Variants in COL4A2 observed in about 807,000 individuals in gnomAD.
The protein encoded by COL4A2 is collagen type IV alpha 2 chain.
A neutral mutation model predicts 200.2 loss-of-function variants in COL4A2; 99 were observed. That is an observed-to-expected ratio of 0.49 (90% CI 0.42 to 0.58). COL4A2 has a LOEUF of 0.58. Ranked by LOEUF, COL4A2 falls within the 20% of genes least tolerant of loss-of-function variation. The pLI is 0.00. For missense variants in COL4A2, 1,950 were observed against 2,314.1 expected (o/e 0.84, Z 3.23); for synonymous variants, 897 against 900.6 (o/e 1.00, Z 0.07).
chr13:110,500,657 C>T (rs748320241), intron 40 of COL4A2, among the ~76,000 whole-genome samples: 4 of 152,232 alleles, frequency 2.6e-5, no homozygotes, highest in Non-Finnish European at 5.9e-5. Context: ...TTAGTGAATA[C>T]TGAACCATTG....
chr13:110,347,262 G>GGCT (rs1876745890), intron 3 of COL4A2, among the ~76,000 whole-genome samples: 1 of 152,168 alleles, frequency 6.6e-6, no homozygotes, highest in African/African-American at 2.4e-5. Flanking sequence ...ATGTTGGCTG[G>GGCT]GCTTCACCTC....
intron 3 of COL4A2, among the ~76,000 whole-genome samples, chr13:110,338,623 T>G (rs1264502155): frequency 1.3e-5 from 2 of 152,222 alleles, no homozygotes; most frequent in Non-Finnish European, 2.9e-5. Context: ...TCTGGAAGAT[T>G]AGGGGAGAAA....
chr13:110,384,649 C>G (rs117529028), intron 4 of COL4A2, among the ~76,000 whole-genome samples: 1 of 152,200 alleles, frequency 6.6e-6, no homozygotes, highest in African/African-American at 2.4e-5. Context: ...ATGCTCAAAG[C>G]CCACACCCAA....
chr13:110,433,618 A>G (rs985034383), intron 11 of COL4A2, among the ~76,000 whole-genome samples: 5 of 152,262 alleles, frequency 3.3e-5, no homozygotes, highest in Non-Finnish European at 7.3e-5. Context: ...GGTAGACTGC[A>G]GAGAAAGAGA....
Position 110,501,857 on chromosome 13 carries a change from G to A in COL4A2, c.3877+73G>A. On this transcript the variant is annotated intron_variant, in intron 41 of 47. Coordinates refer to ENST00000360467, the MANE Select transcript of COL4A2 (RefSeq NM_001846.4). ...GCTGGCAATGGCCCGCTTAATGTAG[G>A]GGGAGAACAGACGTTCATTTCCACG... 7.0e-6 allele frequency: 10 copies of A among 1,418,990 alleles called. No homozygotes were observed. The South Asian group carries it at 1.2e-4, about 17-fold the overall frequency. 87.9% of individuals were successfully genotyped at this position (1,418,990 alleles called of 1,614,324 possible).
rs941817312 is a variant in COL4A2 at position 110,493,377 on chromosome 13, G to A, written c.3634+95G>A. The A allele has an allele frequency of 8.8e-6, 12 of 1,361,292 alleles. No individual in the cohort carries two copies. The East Asian group carries it at 1.6e-4, about 19-fold the overall frequency. The allele number at this position is 1,361,292 out of a possible 1,614,324, so 84.3% of individuals were successfully genotyped here. A position where few individuals can be genotyped will look rare whatever the true frequency, so the allele number is the denominator to read the frequency against. ...GCCCTCCAGACTTCAGGGAATGGAG[G>A]GTCTCAGAGAGCAGGGTGGGCTTCC... On this transcript the variant is annotated intron_variant, in intron 39 of 47. Transcript: ENST00000360467.
chr13:110,493,065 T>G, intron 38 of COL4A2, 146 bp from the exon 39 acceptor site: 7 of 858,402 alleles, frequency 8.2e-6, no homozygotes, highest in Non-Finnish European at 1.3e-5. Flanking sequence ...GAAATAACGA[T>G]GAGTGACACC....
intron 41 of COL4A2, 130 bp from the exon 42 acceptor site, chr13:110,502,991 A>G: frequency 1.2e-6 from 1 of 848,680 alleles, no homozygotes; most frequent in Non-Finnish European, 1.9e-6. Flanking sequence ...TTTTAAAAAC[A>G]TAGACAAAGT....
chr13:110,383,312 G>A (rs945196522), intron 4 of COL4A2, among the ~76,000 whole-genome samples: 8 of 152,166 alleles, frequency 5.3e-5, no homozygotes, highest in Non-Finnish European at 1.0e-4. Flanking sequence ...GGGGACAAAA[G>A]GAAGAGAGGG....
rs771718204 is a variant in COL4A2 at position 110,428,553 on chromosome 13, C to T, written c.447C>T (p.Pro149=). The T allele has an allele frequency of 2.5e-6, 4 of 1,576,298 alleles. No individual in the cohort carries two copies. In the South Asian group the frequency reaches 3.5e-5, roughly 14 times the overall value. The part of the protein sequence containing the change: ...GTQGDSGPQG[P]PGSEGFTGPP... ...AGGGAGACTCAGGTCCACAGGGGCCCCCCGGCTCTGAGGGGTTCACCGGGC... is the reference window on the plus strand; with the variant it reads ...AGGGAGACTCAGGTCCACAGGGGCCTCCCGGCTCTGAGGGGTTCACCGGGC... The change falls in exon 7 of 48, where the codon CCC becomes CCT. Residue 149 remains proline (P), a synonymous_variant. Coordinates refer to ENST00000360467, the MANE Select transcript of COL4A2 (RefSeq NM_001846.4).
chr13:110,391,800 G>A (rs375798248), intron 4 of COL4A2, among the ~76,000 whole-genome samples: 13 of 152,304 alleles, frequency 8.5e-5, no homozygotes, highest in East Asian at 1.9e-4. Flanking sequence ...GCCTCCACCC[G>A]TCCTGAGAGT....
intron 36 of COL4A2, 29 bp downstream of exon 36, chr13:110,489,814 C>G: frequency 1.3e-6 from 2 of 1,592,592 alleles, no homozygotes; most frequent in East Asian, 2.2e-5. Flanking sequence ...TTGTCTTCAT[C>G]TTCAACAACA....
chr13:110,482,086 A>G (rs1882953493), intron 31 of COL4A2, among the ~76,000 whole-genome samples: 1 of 152,044 alleles, frequency 6.6e-6, no homozygotes, highest in Non-Finnish European at 1.5e-5. Context: ...AGACACCTTG[A>G]CCTCTCCTTC....
At chr13:110,482,051 T>C (rs1882952133) in intron 31 of COL4A2, among the ~76,000 whole-genome samples, 1 of 152,186 alleles carries the variant, frequency 6.6e-6, no homozygotes, top group African/African-American at 2.4e-5. Flanking sequence ...ACTAGAGACA[T>C]ATGAGTCTGT....
At chr13:110,332,051 A>G (rs968723416) in intron 3 of COL4A2, among the ~76,000 whole-genome samples, 4 of 152,180 alleles carry the variant, frequency 2.6e-5, no homozygotes, top group Non-Finnish European at 5.9e-5. Context: ...TTAATTCTAA[A>G]TTTTACAATA....
intron 4 of COL4A2, among the ~76,000 whole-genome samples, chr13:110,378,749 C>T (rs184338238): frequency 1.3e-5 from 2 of 152,330 alleles, no homozygotes; most frequent in Non-Finnish European, 2.9e-5. Context: ...TTGAACGATA[C>T]TTAGGAAGCA....
chr13:110,449,466 C>A (rs980969043), intron 18 of COL4A2, among the ~76,000 whole-genome samples: 1 of 152,214 alleles, frequency 6.6e-6, no homozygotes, highest in Non-Finnish European at 1.5e-5. Flanking sequence ...TCACCTACTT[C>A]CTCACCCGGT....
At chr13:110,395,877 G>A (rs533434420) in intron 4 of COL4A2, among the ~76,000 whole-genome samples, 5 of 152,310 alleles carry the variant, frequency 3.3e-5, no homozygotes, top group East Asian at 1.9e-4. Context: ...CTCAGGAGGC[G>A]GAGGTTGCAG....
chr13:110,307,720 G>A lies in COL4A2; in HGVS notation c.-44-140G>A. The stretch of plus-strand genomic sequence containing the variant: ...GGGAGGCTCTCCTTCTTTCCGGGTC[G>A]TGGGGGGGACGGCCCTCCGGTCACC... On this transcript the variant is annotated intron_variant, in intron 1 of 47. Coordinates refer to ENST00000360467, the MANE Select transcript of COL4A2 (RefSeq NM_001846.4). The surrounding 1 kb of genome is among the most constrained non-coding windows in gnomAD (Gnocchi z 5.0). 1.3e-6 allele frequency: 1 copy of A among 767,338 alleles called. No individual in the cohort carries two copies. Among genetic ancestry groups the A allele is most frequent in the Non-Finnish European group, 2.0e-6 (1 of 490,550 alleles). The allele number at this position is 767,338 out of a possible 1,614,324, so 47.5% of individuals were successfully genotyped here.
Sources: allele counts gnomAD v4.1 joint callset (sites outside exome capture counted in the v4.1 genomes callset), GRCh38; gene constraint gnomAD v4.1.1; non-coding constraint Gnocchi (gnomAD v3.1); transcripts MANE v1.5; gene names NCBI Gene and HGNC (gene_info 2026-07-23, HGNC 2026-07-21).